The following UBTD1 variants were observed in gnomAD, a reference collection of about 807,000 sequenced individuals.
The protein encoded by UBTD1 is ubiquitin domain containing 1, also known as ubiquitin domain-containing protein 1.
In UBTD1, 19 loss-of-function variants were observed where a neutral mutation model predicts 21.7. That is an observed-to-expected ratio of 0.87 (90% CI 0.61 to 1.28). UBTD1 has a LOEUF of 1.28. Ranked by LOEUF, UBTD1 falls within the 50% of genes most tolerant of loss-of-function variation. UBTD1 has a pLI of 0.00. For synonymous variants in UBTD1, 116 were observed against 135.1 expected (o/e 0.86, Z 0.98); for missense variants, 282 against 315.1 (o/e 0.89, Z 0.80).
chr10:97,537,986 T>C (rs1362049787), intron 1 of UBTD1, among the ~76,000 whole-genome samples: 1 of 151,914 alleles, frequency 6.6e-6, no homozygotes, highest in Admixed American at 6.6e-5. Flanking sequence ...CCACCACACC[T>C]GGCTAATTTT....
At chr10:97,533,409 C>T (rs969350295) in intron 1 of UBTD1, among the ~76,000 whole-genome samples, 2 of 152,346 alleles carry the variant, frequency 1.3e-5, no homozygotes, top group South Asian at 4.1e-4. Context: ...GACTTCTTCC[C>T]GGGGCTTTGC....
intron 1 of UBTD1, among the ~76,000 whole-genome samples, chr10:97,552,427 G>A (rs978971828): frequency 8.2e-6 from 1 of 122,098 alleles, no homozygotes; most frequent in Non-Finnish European, 1.6e-5. Context: ...ACACAGTCTC[G>A]TTCTGTGACC....
chr10:97,551,492 C>G (rs1214485415), intron 1 of UBTD1, among the ~76,000 whole-genome samples: 1 of 152,196 alleles, frequency 6.6e-6, no homozygotes, highest in Non-Finnish European at 1.5e-5. Context: ...GGTTGTATGC[C>G]TTTGTCAGCT....
intron 1 of UBTD1, among the ~76,000 whole-genome samples, chr10:97,535,040 G>A (rs12767760): frequency 0.62 from 94,660 of 152,118 alleles, 33,095 homozygotes; most frequent in Non-Finnish European, 0.8. Context: ...GTTTGTGTGG[G>A]CAGTGCAGAA....
chr10:97,526,705 G>T lies in UBTD1; in HGVS notation c.70+27432G>T, dbSNP rs1199303250. On this transcript the variant is annotated intron_variant, in intron 1 of 2. Transcript: ENST00000370664. ...ATCTCTACTAAAAATACAAAAGTCA[G>T]CCGGGCATGGTGGCATGCACCGGTA... 3.3e-5 allele frequency among the ~76,000 whole-genome samples: 5 copies of T among 151,728 alleles called. No homozygotes were observed. In the East Asian group the frequency reaches 9.7e-4, roughly 29 times the overall value.
At chr10:97,556,088 A>T (rs1324803189) in intron 1 of UBTD1, among the ~76,000 whole-genome samples, 2 of 152,192 alleles carry the variant, frequency 1.3e-5, no homozygotes, top group Non-Finnish European at 2.9e-5. Context: ...GTAGTGACGA[A>T]GTTTTTTATC....
intron 1 of UBTD1, among the ~76,000 whole-genome samples, chr10:97,556,354 CCTT>C (rs2040664082): frequency 6.6e-6 from 1 of 152,274 alleles, no homozygotes; most frequent in East Asian, 1.9e-4. Flanking sequence ...TTCACAAACA[CCTT>C]CTTCAGCTGC....
At position 97,504,273 on chromosome 10, in the gene UBTD1, C is replaced by T. The variant is rs143770530; in HGVS notation, c.70+5000C>T. On this transcript the variant is annotated intron_variant, in intron 1 of 2. Coordinates refer to ENST00000370664, the MANE Select transcript of UBTD1 (RefSeq NM_024954.5). ...AGACTATTTCCATCCCACTAGCCAG[C>T]GTGATACTCTAAACTGTAAGTCAGA... is the stretch of plus-strand genomic sequence containing the variant. Among the ~76,000 whole-genome samples the T allele has an allele frequency of 2.0e-3, 305 of 151,948 alleles. 1 individual carries two copies. In the Middle Eastern group the frequency reaches 0.054, roughly 27 times the overall value.
intron 1 of UBTD1, among the ~76,000 whole-genome samples, chr10:97,505,418 C>A (rs1247870260): frequency 1.3e-5 from 2 of 152,322 alleles, no homozygotes; most frequent in Non-Finnish European, 2.9e-5. Context: ...GGTCTAGTCT[C>A]TGCCACTTTC....
intron 1 of UBTD1, among the ~76,000 whole-genome samples, chr10:97,506,852 G>A (rs2040401682): frequency 6.6e-6 from 1 of 152,174 alleles, no homozygotes; most frequent in South Asian, 2.1e-4. Context: ...TCCTTTTTAA[G>A]GCTGAGTAAT....
intron 1 of UBTD1, among the ~76,000 whole-genome samples, chr10:97,539,011 C>T (rs544767456): frequency 6.6e-6 from 1 of 152,264 alleles, no homozygotes; most frequent in Admixed American, 6.5e-5. Flanking sequence ...TGCATTAGGG[C>T]CATGCCTGGC....
intron 1 of UBTD1, among the ~76,000 whole-genome samples, chr10:97,530,869 TA>T (rs1564738964): frequency 6.6e-6 from 1 of 151,796 alleles, no homozygotes; most frequent in Non-Finnish European, 1.5e-5. Context: ...ATTTTTATTT[TA>T]AAAATTTTTT....
intron 1 of UBTD1, among the ~76,000 whole-genome samples, chr10:97,540,376 C>T (rs2135674485): frequency 6.6e-6 from 1 of 152,348 alleles, no homozygotes; most frequent in South Asian, 2.1e-4. Context: ...CTACCAGTCC[C>T]CTGACACTCA....
intron 1 of UBTD1, among the ~76,000 whole-genome samples, chr10:97,530,730 A>G (rs549431633): frequency 4.8e-4 from 73 of 152,270 alleles, no homozygotes; most frequent in South Asian, 1.7e-3. Context: ...TACATGCCAT[A>G]TGATCTCAGC....
At chr10:97,506,414 T>C (rs1016107165) in intron 1 of UBTD1, among the ~76,000 whole-genome samples, 2 of 152,214 alleles carry the variant, frequency 1.3e-5, no homozygotes, top group African/African-American at 4.8e-5. Context: ...CCACCTACAA[T>C]CATTGCTGTG....
chr10:97,559,669 T>C (rs2040683739), intron 1 of UBTD1, among the ~76,000 whole-genome samples: 1 of 152,186 alleles, frequency 6.6e-6, no homozygotes, highest in Admixed American at 6.5e-5. Context: ...TGTTTGACCA[T>C]AAGGTAAGAT....
At chr10:97,522,471 G>A (rs982715737) in intron 1 of UBTD1, among the ~76,000 whole-genome samples, 3 of 152,210 alleles carry the variant, frequency 2.0e-5, no homozygotes, top group Non-Finnish European at 2.9e-5. Flanking sequence ...AAGTTTTCCT[G>A]TTATAGCTCT....
At chr10:97,529,171 C>G (rs892849989) in intron 1 of UBTD1, among the ~76,000 whole-genome samples, 3 of 151,724 alleles carry the variant, frequency 2.0e-5, no homozygotes, top group Non-Finnish European at 2.9e-5. Context: ...CGATGGGCGG[C>G]CGGGCAGAGA....
intron 1 of UBTD1, among the ~76,000 whole-genome samples, chr10:97,525,955 G>C (rs2040486440): frequency 6.6e-6 from 1 of 152,200 alleles, no homozygotes; most frequent in South Asian, 2.1e-4. Flanking sequence ...GGGAGCCATA[G>C]AAAGTTTTTG....
Sources: gnomAD v4.1 joint callset for allele counts (sites outside exome capture counted in the v4.1 genomes callset) on GRCh38, gnomAD v4.1.1 for gene constraint, MANE v1.5 for transcripts, NCBI Gene and HGNC (gene_info 2026-07-23, HGNC 2026-07-21) for gene names.